LY96: variants seen among roughly 807,000 people sequenced by gnomAD.
The protein encoded by LY96 is lymphocyte antigen 96, also known as myeloid differentiation protein-2.
Under a neutral mutation model 18.9 loss-of-function variants are expected in LY96, and 18 were observed. The observed-to-expected ratio is 0.95, with a 90% CI of 0.66 to 1.41. The LOEUF (loss-of-function observed/expected upper bound fraction) is 1.41, where lower values mean the gene tolerates loss of function less well. Among genes scored for constraint, LY96 ranks in the 40% most tolerant of loss-of-function variants. The probability of loss-of-function intolerance (pLI) is 0.00; values close to 1 mark genes in which losing one functional copy is unlikely to be tolerated. For missense variants in LY96, 175 were observed against 182.4 expected (o/e 0.96, Z 0.23); for synonymous variants, 66 against 62.6 (o/e 1.06, Z -0.26).
chr8:74,029,768 T>G (rs1342220040), downstream of LY96, among the ~76,000 whole-genome samples: 3 of 152,206 alleles, frequency 2.0e-5, no homozygotes, highest in Non-Finnish European at 2.9e-5. Flanking sequence ...CAAGTGATTC[T>G]CCTGCGTCAG....
the LY96 span, among the ~76,000 whole-genome samples, chr8:74,047,585 G>A: frequency 6.6e-6 from 1 of 152,242 alleles, no homozygotes; most frequent in Non-Finnish European, 1.5e-5. Context: ...CCAGTGCAAT[G>A]CCAGGGGACT....
At chr8:74,017,837 A>G (rs1816675666) in intron 3 of LY96, among the ~76,000 whole-genome samples, 1 of 152,218 alleles carries the variant, frequency 6.6e-6, no homozygotes, top group Non-Finnish European at 1.5e-5. Flanking sequence ...AATCCTTTAC[A>G]GACAAGCAAA....
chr8:74,054,670 T>TTCTTTCTTTCTC, the LY96 span, among the ~76,000 whole-genome samples: 1 of 143,340 alleles, frequency 7.0e-6, no homozygotes, highest in East Asian at 2.1e-4. Context: ...CTTTCTTTCT[T>TTCTTTCTTTCTC]TCTTTTTATT....
the LY96 span, among the ~76,000 whole-genome samples, chr8:74,098,522 C>T: frequency 2.7e-4 from 41 of 152,224 alleles, 2 homozygotes; most frequent in South Asian, 5.6e-3. Context: ...ATTACAGGCA[C>T]CCACCACCAC....
intron 1 of LY96, among the ~76,000 whole-genome samples, chr8:73,994,643 T>C (rs552395134): frequency 2.0e-4 from 31 of 152,278 alleles, no homozygotes; most frequent in African/African-American, 7.5e-4. Flanking sequence ...TGCACCACCA[T>C]GTCTGGCTAA....
At chr8:74,053,276 C>CT in the LY96 span, among the ~76,000 whole-genome samples, 8 of 152,206 alleles carry the variant, frequency 5.3e-5, no homozygotes, top group Non-Finnish European at 8.8e-5. Context: ...AATTCCTACT[C>CT]TCAATGTCTT....
chr8:74,028,471 A>G (rs1236156178), intron 4 of LY96, among the ~76,000 whole-genome samples: 1 of 152,220 alleles, frequency 6.6e-6, no homozygotes, highest in Non-Finnish European at 1.5e-5. Context: ...TAATGTGAAC[A>G]TTGTTTAGGA....
the LY96 span, among the ~76,000 whole-genome samples, chr8:74,088,616 C>T: frequency 6.6e-6 from 1 of 152,088 alleles, no homozygotes; most frequent in Admixed American, 6.5e-5. Flanking sequence ...GAGAGAGTCT[C>T]ACTCTGTCGT....
At chr8:74,026,143 A>G (rs1816866732) in intron 3 of LY96, among the ~76,000 whole-genome samples, 1 of 132,748 alleles carries the variant, frequency 7.5e-6, no homozygotes, top group Admixed American at 7.2e-5. Context: ...TTTTTGATTT[A>G]ACTATATTAA....
chr8:74,025,370 C>T (rs547120134), intron 3 of LY96, among the ~76,000 whole-genome samples: 39 of 152,226 alleles, frequency 2.6e-4, no homozygotes, highest in African/African-American at 9.1e-4. Context: ...TAAGGATACA[C>T]CCGGCTAGGT....
intron 3 of LY96, among the ~76,000 whole-genome samples, chr8:74,020,676 A>C (rs1364222629): frequency 6.6e-6 from 1 of 152,208 alleles, no homozygotes; most frequent in Non-Finnish European, 1.5e-5. Context: ...ACTATACTAC[A>C]AGGCTACAGT....
chr8:74,054,982 C>T, the LY96 span, among the ~76,000 whole-genome samples: 1 of 152,100 alleles, frequency 6.6e-6, no homozygotes, highest in Non-Finnish European at 1.5e-5. Context: ...TCATGACCTA[C>T]TGCAGCCTTG....
chr8:73,993,042 T>A (rs981481703), intron 1 of LY96, among the ~76,000 whole-genome samples: 8 of 151,446 alleles, frequency 5.3e-5, no homozygotes, highest in African/African-American at 1.5e-4. Flanking sequence ...TTTTGTATTT[T>A]AGTAGAGACA....
chr8:74,081,142 C>T, the LY96 span, among the ~76,000 whole-genome samples: 83 of 123,750 alleles, frequency 6.7e-4, no homozygotes, highest in African/African-American at 1.1e-3. Context: ...TCCTTCCTTC[C>T]TTCTTTCTTT....
At chr8:74,097,637 A>G in the LY96 span, among the ~76,000 whole-genome samples, 1 of 152,212 alleles carries the variant, frequency 6.6e-6, no homozygotes, top group Admixed American at 6.5e-5. Flanking sequence ...TGAACCCGGC[A>G]GGCGGAGGTT....
the LY96 span, among the ~76,000 whole-genome samples, chr8:74,054,538 TCC>T: frequency 2.1e-5 from 3 of 140,084 alleles, no homozygotes; most frequent in Non-Finnish European, 4.6e-5. Context: ...CTTCCTTCCT[TCC>T]TTCCTTCCTT....
At chr8:74,075,980 C>G in the LY96 span, among the ~76,000 whole-genome samples, 6 of 152,178 alleles carry the variant, frequency 3.9e-5, no homozygotes, top group South Asian at 6.2e-4. Flanking sequence ...CTGGCAAAAC[C>G]TTGGCAAACC....
chr8:74,027,311 CTTT>C (rs546118809), intron 4 of LY96, among the ~76,000 whole-genome samples: 3 of 135,618 alleles, frequency 2.2e-5, no homozygotes, highest in Admixed American at 7.5e-5. Context: ...TTAGAATTAG[CTTT>C]TTTTTTTTTT....
At chr8:73,994,661 G>A (rs1426340307) in intron 1 of LY96, among the ~76,000 whole-genome samples, 3 of 152,052 alleles carry the variant, frequency 2.0e-5, no homozygotes, top group African/African-American at 7.2e-5. Context: ...TAATTTTTAA[G>A]TTTTTTGTAG....
Sources: allele counts gnomAD v4.1 joint callset (sites outside exome capture counted in the v4.1 genomes callset), GRCh38; gene constraint gnomAD v4.1.1; transcripts MANE v1.5; gene names NCBI Gene and HGNC (gene_info 2026-07-23, HGNC 2026-07-21).